Variants in RAB39A observed in about 807,000 individuals in gnomAD.
The protein encoded by RAB39A is ras-related protein Rab-39A.
A neutral mutation model predicts 20.9 loss-of-function variants in RAB39A; 17 were observed. The observed-to-expected ratio is 0.81, with a 90% confidence interval of 0.56 to 1.22. RAB39A has a LOEUF of 1.22. RAB39A is among the 50% of genes most tolerant of loss of function. RAB39A has a pLI of 0.00. For synonymous variants in RAB39A, 99 were observed against 103.4 expected, an observed-to-expected ratio of 0.96 and a Z score of 0.26; for missense variants, 234 against 270.5, an observed-to-expected ratio of 0.87 and a Z score of 0.95.
rs1013650197 is a variant in RAB39A at position 107,945,042 on chromosome 11, G to A, written c.227+16247G>A. On this transcript the variant is annotated intron_variant, in intron 1 of 1. Transcript: ENST00000320578. Reference sequence around the variant, plus strand: ...TACTAAAGATACAAAAATTAGCCAGGCATGGTGGCAGATGCCTATAATCCC... The same window carrying A: ...TACTAAAGATACAAAAATTAGCCAGACATGGTGGCAGATGCCTATAATCCC... Among the ~76,000 whole-genome samples the A allele has an allele frequency of 2.0e-5, 3 of 151,982 alleles. No homozygotes were observed. The East Asian group carries it at 5.8e-4, about 29-fold the overall frequency.
intron 1 of RAB39A, among the ~76,000 whole-genome samples, chr11:107,933,725 A>G (rs1861164623): frequency 6.9e-6 from 1 of 144,610 alleles, no homozygotes; most frequent in East Asian, 2.1e-4. Context: ...CAGTGGCGCA[A>G]TCTCGGCTCA....
In RAB39A at chr11:107,962,628, G is replaced by A. The variant is rs1591251208; in HGVS notation, c.*256G>A. ...CTCCATTCTTACTTTGTTAGCATAC[G>A]CTGACCTTAGTGTCCAGATATGTCA... On this transcript the variant is annotated 3_prime_UTR_variant, in exon 2 of 2. Transcript: ENST00000320578. 5.7e-6 allele frequency: 2 copies of A among 353,888 alleles called. No homozygotes were observed. The highest frequency in any genetic ancestry group is 1.7e-4 in the South Asian group (2 of 12,052). The allele number at this position is 353,888 out of a possible 1,614,324, so 21.9% of individuals were successfully genotyped here. A position where few individuals can be genotyped will look rare whatever the true frequency, so the allele number is the denominator to read the frequency against.
rs769911013 is a variant in RAB39A, at chr11:107,962,193, A to C, written c.475A>C (p.Lys159Gln). 5 of 1,614,142 alleles carry C rather than the reference A, an allele frequency of 3.1e-6. No individual in the cohort carries two copies. The South Asian group carries it at 5.5e-5, about 18-fold the overall frequency. The change falls in exon 2 of 2, where the codon AAG (lysine) becomes CAG (glutamine). Residue 159 changes from lysine to glutamine, a missense_variant. Coordinates refer to ENST00000320578, the MANE Select transcript of RAB39A (RefSeq NM_017516.3). ...CGMKYIETSA[K>Q]DATNVEESFT... ...AATGAAGTATATAGAAACCTCAGCAAAGGATGCTACAAATGTTGAAGAATC... is the reference window on the plus strand; with the variant it reads ...AATGAAGTATATAGAAACCTCAGCACAGGATGCTACAAATGTTGAAGAATC...
chr11:107,953,349 T>C (rs951248874), intron 1 of RAB39A, among the ~76,000 whole-genome samples: 3 of 152,160 alleles, frequency 2.0e-5, no homozygotes, highest in African/African-American at 7.2e-5. Flanking sequence ...GAGAACCTTA[T>C]TCAAAAAAGA....
intron 1 of RAB39A, among the ~76,000 whole-genome samples, chr11:107,942,421 G>A (rs1448971621): frequency 6.6e-6 from 1 of 152,076 alleles, no homozygotes; most frequent in Non-Finnish European, 1.5e-5. Flanking sequence ...TTGAGATGGG[G>A]TCTTGCTCTG....
chr11:107,936,074 ATTT>A lies in RAB39A; in HGVS notation c.227+7282_227+7284del, dbSNP rs1217747575. 2.6e-5 allele frequency among the ~76,000 whole-genome samples: 4 copies of A among 151,674 alleles called. No individual in the cohort carries two copies. In the East Asian group the frequency reaches 7.8e-4, roughly 30 times the overall value. Reference sequence around the variant, plus strand: ...GCCACCATACTCAGCTAGTTTTTGTATTTTTAGTAGAGACAGGGTTTCAGCATG... The same window carrying A: ...GCCACCATACTCAGCTAGTTTTTGTATTAGTAGAGACAGGGTTTCAGCATG... On this transcript the variant is annotated intron_variant, in intron 1 of 1. Transcript: ENST00000320578.
intron 1 of RAB39A, among the ~76,000 whole-genome samples, chr11:107,948,050 A>T (rs1227147725): frequency 1.3e-5 from 2 of 151,880 alleles, no homozygotes; most frequent in Non-Finnish European, 2.9e-5. Context: ...GAACAGCTCT[A>T]TCTCTGAAAA....
intron 1 of RAB39A, among the ~76,000 whole-genome samples, chr11:107,931,597 A>G (rs1861137672): frequency 6.6e-6 from 1 of 152,186 alleles, no homozygotes; most frequent in African/African-American, 2.4e-5. Flanking sequence ...CTAATTTTGA[A>G]TAATAGATAT....
rs979321200 is a variant in RAB39A at position 107,961,850 on chromosome 11, A to G, written c.228-96A>G. 2.2e-5 allele frequency: 21 copies of G among 956,336 alleles called. No homozygotes were observed. In the African/African-American group the frequency reaches 3.1e-4, roughly 14 times the overall value. 59.2% of individuals were successfully genotyped at this position (956,336 alleles called of 1,614,324 possible). A position where few individuals can be genotyped will look rare whatever the true frequency, so the allele number is the denominator to read the frequency against. The stretch of plus-strand genomic sequence containing the variant: ...TATAAATTCTAGTTAAATCATATTA[A>G]GATATCTTCAAATGTTATTATGGTG... On this transcript the variant is annotated intron_variant, in intron 1 of 1. Coordinates refer to ENST00000320578, the MANE Select transcript of RAB39A (RefSeq NM_017516.3).
At chr11:107,938,145 C>G (rs1157401757) in intron 1 of RAB39A, among the ~76,000 whole-genome samples, 1 of 151,382 alleles carries the variant, frequency 6.6e-6, no homozygotes, top group Non-Finnish European at 1.5e-5. Context: ...GGCGGATCAC[C>G]TGAGGTCAGG....
rs754805450 is a variant in RAB39A, at chr11:107,962,275, T to C, written c.557T>C (p.Ile186Thr). 6.2e-6 allele frequency: 10 copies of C among 1,613,742 alleles called. No individual in the cohort carries two copies. The highest frequency in any genetic ancestry group is 8.5e-6 in the Non-Finnish European group (10 of 1,179,952). Residue 186 changes from isoleucine (I) to threonine (T), a missense_variant, in exon 2 of 2, where the codon ATT becomes ACT. Ile to Thr is a moderately conservative substitution (Grantham distance 89, BLOSUM62 -1). Transcript: ENST00000320578. ...YELIKKGEIC[I>T]QDGWEGVKSG... ...CTTATTAAAAAGGGAGAAATTTGTATTCAGGATGGCTGGGAAGGGGTTAAA... is the reference window on the plus strand; with the variant it reads ...CTTATTAAAAAGGGAGAAATTTGTACTCAGGATGGCTGGGAAGGGGTTAAA...
intron 1 of RAB39A, among the ~76,000 whole-genome samples, chr11:107,939,057 G>T (rs1208859111): frequency 6.6e-6 from 1 of 151,086 alleles, no homozygotes; most frequent in Admixed American, 6.6e-5. Context: ...GTGTGGCCAA[G>T]CTGGTGAAAC....
intron 1 of RAB39A, among the ~76,000 whole-genome samples, chr11:107,939,243 CAAAA>C (rs138488479): frequency 2.9e-5 from 2 of 68,564 alleles, no homozygotes; most frequent in African/African-American, 5.6e-5. Context: ...GACTCTGTCT[CAAAA>C]AAAAAAAAAA....
intron 1 of RAB39A, among the ~76,000 whole-genome samples, chr11:107,957,574 T>G (rs185868564): frequency 6.6e-6 from 1 of 152,352 alleles, no homozygotes; most frequent in African/African-American, 2.4e-5. Context: ...AGCTTTCTTT[T>G]ATAATTAAAA....
rs7942439 is a variant in RAB39A, at chr11:107,928,981, A to G, written c.227+186A>G. Among the ~76,000 whole-genome samples the G allele has an allele frequency of 1.2e-3, 176 of 151,318 alleles. No individual in the cohort carries two copies. The highest frequency in any genetic ancestry group is 3.9e-3 in the African/African-American group (161 of 41,140). On this transcript the variant is annotated intron_variant, in intron 1 of 1. Coordinates refer to ENST00000320578, the MANE Select transcript of RAB39A (RefSeq NM_017516.3). This position sits in a 1 kb window ranked among gnomAD's most constrained non-coding sequence, Gnocchi z 4.9. The stretch of plus-strand genomic sequence containing the variant: ...TTCCAGGGACGACTTCCTCCTCCGC[A>G]ATTTCTCACTTCTTTCTTTGGCGCC...
intron 1 of RAB39A, among the ~76,000 whole-genome samples, chr11:107,935,757 G>T (rs946965914): frequency 5.3e-5 from 8 of 151,992 alleles, no homozygotes; most frequent in Non-Finnish European, 8.8e-5. Flanking sequence ...GAATGCCTTT[G>T]TTCTCCAGAT....
chr11:107,937,099 A>C (rs879059248), intron 1 of RAB39A, among the ~76,000 whole-genome samples: 1 of 152,124 alleles, frequency 6.6e-6, no homozygotes, highest in African/African-American at 2.4e-5. Context: ...CTTAGTTAAA[A>C]GTGTATTGTA....
At chr11:107,958,851 G>T (rs770045879) in intron 1 of RAB39A, among the ~76,000 whole-genome samples, 10 of 152,108 alleles carry the variant, frequency 6.6e-5, no homozygotes, top group Admixed American at 1.3e-4. Context: ...CGGGCGCGGT[G>T]GCTCATGCCT....
At chr11:107,958,225 T>C (rs1861458183) in intron 1 of RAB39A, among the ~76,000 whole-genome samples, 1 of 152,144 alleles carries the variant, frequency 6.6e-6, no homozygotes, top group Non-Finnish European at 1.5e-5. Flanking sequence ...TAGAGGGAAA[T>C]AGACATAAAG....
Sources: gnomAD v4.1 joint callset for allele counts (sites outside exome capture counted in the v4.1 genomes callset) on GRCh38, gnomAD v4.1.1 for gene constraint, Gnocchi (gnomAD v3.1) non-coding constraint, MANE v1.5 for transcripts, NCBI Gene and HGNC (gene_info 2026-07-23, HGNC 2026-07-21) for gene names.